PEPD: variants seen among roughly 807,000 people sequenced by gnomAD.
The protein encoded by PEPD is xaa-Pro dipeptidase.
In PEPD, 53 loss-of-function variants were observed where a neutral mutation model predicts 60.7. That is an observed-to-expected ratio of 0.87 (90% confidence interval 0.70 to 1.10). The LOEUF (loss-of-function observed/expected upper bound fraction) is 1.10. Ranked by LOEUF, PEPD falls within the 50% of genes least tolerant of loss-of-function variation. The pLI is 0.00. For missense variants in PEPD, 711 were observed against 711.9 expected (o/e 1.00, Z 0.01); for synonymous variants, 267 against 284.1 (o/e 0.94, Z 0.60).
chr19:33,499,309 G>A (rs1022741631), intron 4 of PEPD, among the ~76,000 whole-genome samples: 2 of 152,162 alleles, frequency 1.3e-5, no homozygotes, highest in African/African-American at 4.8e-5. Flanking sequence ...AGAAGATGCT[G>A]TAGAGACAGG....
chr19:33,390,994 G>T (rs1340227597), intron 13 of PEPD, among the ~76,000 whole-genome samples: 1 of 152,132 alleles, frequency 6.6e-6, no homozygotes, highest in African/African-American at 2.4e-5. Flanking sequence ...CTGTCCTGTG[G>T]GGCCCCATGC....
chr19:33,431,124 G>A (rs182599137), intron 9 of PEPD, among the ~76,000 whole-genome samples: 1 of 143,350 alleles, frequency 7.0e-6, no homozygotes, highest in Non-Finnish European at 1.5e-5. Context: ...GGGAGGAAGG[G>A]AGAGAGGAAC....
intron 12 of PEPD, among the ~76,000 whole-genome samples, chr19:33,396,434 C>T (rs1358850676): frequency 6.6e-6 from 1 of 152,200 alleles, no homozygotes; most frequent in Non-Finnish European, 1.5e-5. Context: ...TCTCTCGCCC[C>T]GTCAGGACTG....
At chr19:33,428,387 T>G (rs1003927991) in intron 9 of PEPD, among the ~76,000 whole-genome samples, 2 of 152,110 alleles carry the variant, frequency 1.3e-5, no homozygotes, top group African/African-American at 4.8e-5. Flanking sequence ...GCACCTTCTA[T>G]CGGACACCTT....
chr19:33,428,531 C>G (rs895704060), intron 9 of PEPD, among the ~76,000 whole-genome samples: 15 of 149,874 alleles, frequency 1.0e-4, no homozygotes, highest in African/African-American at 3.4e-4. Context: ...GGGAGGATGT[C>G]CACGCTCCAC....
intron 11 of PEPD, among the ~76,000 whole-genome samples, chr19:33,410,127 C>T (rs961480899): frequency 1.1e-4 from 17 of 152,350 alleles, no homozygotes; most frequent in African/African-American, 4.1e-4. Flanking sequence ...CCAGGGAGTC[C>T]ACTAAGGCCC....
chr19:33,516,463 G>A (rs376139092), intron 1 of PEPD, among the ~76,000 whole-genome samples: 6 of 151,916 alleles, frequency 3.9e-5, no homozygotes, highest in South Asian at 4.2e-4. Flanking sequence ...CAGGACCCCC[G>A]CTGCCCTGGA....
chr19:33,417,503 C>T (rs1968914874), intron 9 of PEPD, among the ~76,000 whole-genome samples: 1 of 152,216 alleles, frequency 6.6e-6, no homozygotes, highest in Admixed American at 6.5e-5. Context: ...AAGGGCAAAT[C>T]TTGGCTCTGC....
chr19:33,449,729 C>G (rs974179345), intron 9 of PEPD, among the ~76,000 whole-genome samples: 1 of 146,062 alleles, frequency 6.8e-6, no homozygotes. Context: ...CATAGACTAT[C>G]GCAGGTGCTC....
chr19:33,462,658 C>T (rs774833803), intron 9 of PEPD, among the ~76,000 whole-genome samples: 4 of 152,214 alleles, frequency 2.6e-5, no homozygotes, highest in Non-Finnish European at 4.4e-5. Context: ...CACATAAAAA[C>T]GGCAAGCTGT....
chr19:33,444,236 CTCAAGGCTGGGACATGGAACCCA>C (rs1277092492), intron 9 of PEPD, among the ~76,000 whole-genome samples: 5 of 152,116 alleles, frequency 3.3e-5, no homozygotes, highest in African/African-American at 1.2e-4. Context: ...CATGCATGCT[CTCAAGGCTGGGACATGGAACCCA>C]GCCAGGCTGG....
In PEPD at chr19:33,443,968, G is replaced by A. The variant is rs572750300; in HGVS notation, c.671+19027C>T. The stretch of plus-strand genomic sequence containing the variant: ...TGCACTTGCATGCATACAAGTGCAC[G>A]CGCGTGCGCGCGCACACACACACAC... On this transcript the variant is annotated intron_variant, in intron 9 of 14. Transcript: ENST00000244137. Among the ~76,000 whole-genome samples, 8 of 152,092 alleles carry A rather than the reference G, an allele frequency of 5.3e-5. No homozygotes were observed. The South Asian group carries it at 8.3e-4, about 16-fold the overall frequency.
chr19:33,516,962 C>T lies in PEPD; in HGVS notation c.18-4186G>A, dbSNP rs143692459. Among the ~76,000 whole-genome samples, 781 of 151,152 alleles carry T rather than the reference C, an allele frequency of 5.2e-3. 3 individuals are homozygous for T. Among genetic ancestry groups the T allele is most frequent in the Non-Finnish European group, 8.7e-3 (590 of 67,884 alleles). On this transcript the variant is annotated intron_variant, in intron 1 of 14. Transcript: ENST00000244137. ...GCTCATGCCTATCATCCCAGCACTG[C>T]GGGAGGCAGGAATTCGAGACCAGAA...
At chr19:33,448,995 T>A (rs1299544711) in intron 9 of PEPD, among the ~76,000 whole-genome samples, 13 of 151,878 alleles carry the variant, frequency 8.6e-5, no homozygotes, top group Admixed American at 8.5e-4. Flanking sequence ...GAATGAGAGG[T>A]GGGGACCCAG....
chr19:33,453,326 A>C (rs1481653140), intron 9 of PEPD, among the ~76,000 whole-genome samples: 2 of 151,958 alleles, frequency 1.3e-5, no homozygotes, highest in East Asian at 3.8e-4. Flanking sequence ...AAAAATAAAT[A>C]AATAAATAAA....
intron 7 of PEPD, among the ~76,000 whole-genome samples, chr19:33,465,605 C>G (rs926145687): frequency 6.6e-6 from 1 of 152,156 alleles, no homozygotes; most frequent in African/African-American, 2.4e-5. Context: ...AGCCTGCTCC[C>G]TTACTCTGAC....
At chr19:33,486,295 G>A (rs1170722379) in intron 6 of PEPD, among the ~76,000 whole-genome samples, 2 of 136,128 alleles carry the variant, frequency 1.5e-5, no homozygotes, top group Non-Finnish European at 3.1e-5. Flanking sequence ...CTGGCAATGA[G>A]CACCCGACCC....
intron 11 of PEPD, 138 bp downstream of exon 11, chr19:33,411,534 T>A: frequency 1.4e-6 from 1 of 695,788 alleles, no homozygotes; most frequent in Admixed American, 2.0e-5. Flanking sequence ...CAGAGAAGTC[T>A]GGGCCAAGAA....
chr19:33,511,407 A>G (rs969735502), intron 2 of PEPD: 5 of 482,794 alleles, frequency 1.0e-5, no homozygotes, highest in South Asian at 3.9e-5. Flanking sequence ...CATGTGCCTG[A>G]GTCCACCTGT....
Sources: allele counts gnomAD v4.1 joint callset (sites outside exome capture counted in the v4.1 genomes callset), GRCh38; gene constraint gnomAD v4.1.1; transcripts MANE v1.5; gene names NCBI Gene and HGNC (gene_info 2026-07-23, HGNC 2026-07-21).